The following VPS13A variants were observed in gnomAD, a reference collection of about 807,000 sequenced individuals.
The protein encoded by VPS13A is intermembrane lipid transfer protein VPS13A.
In VPS13A, 264 loss-of-function variants were observed where a neutral mutation model predicts 390.9. That is an observed-to-expected ratio of 0.68 (90% confidence interval 0.61 to 0.75). The LOEUF is 0.75. Ranked by LOEUF, VPS13A falls within the 30% of genes least tolerant of loss-of-function variation. The pLI, the probability that VPS13A is intolerant of heterozygous loss-of-function variation, is 0.00. For missense variants in VPS13A, 3,409 were observed against 3,733.9 expected, an observed-to-expected ratio of 0.91 and a Z score of 2.27; for synonymous variants, 1,231 against 1,227.1, an observed-to-expected ratio of 1.00 and a Z score of -0.07.
chr9:77,178,947 A>G (rs1254693855), intron 1 of VPS13A, among the ~76,000 whole-genome samples: 1 of 152,244 alleles, frequency 6.6e-6, no homozygotes. Flanking sequence ...TTGATTTTAA[A>G]GAATGTTACT....
intron 57 of VPS13A, among the ~76,000 whole-genome samples, chr9:77,358,832 CT>C: frequency 6.6e-6 from 1 of 152,254 alleles, no homozygotes; most frequent in Non-Finnish European, 1.5e-5. Context: ...CTACCCTTTT[CT>C]TTCCCTTTGC....
At chr9:77,391,065 A>G (rs956715490) in intron 68 of VPS13A, among the ~76,000 whole-genome samples, 10 of 152,180 alleles carry the variant, frequency 6.6e-5, no homozygotes, top group African/African-American at 2.4e-4. Context: ...AAGATCTGTC[A>G]ATACAGCTAA....
chr9:77,334,120 A>G (rs1220691475), intron 46 of VPS13A, among the ~76,000 whole-genome samples: 1 of 152,200 alleles, frequency 6.6e-6, no homozygotes. Flanking sequence ...GGAAAAGGCT[A>G]TCTAAGAGGA....
chr9:77,332,332 T>C (rs1313224258), intron 46 of VPS13A, among the ~76,000 whole-genome samples: 2 of 152,020 alleles, frequency 1.3e-5, no homozygotes, highest in African/African-American at 2.4e-5. Context: ...AATATAATTA[T>C]ATTTTGATTG....
chr9:77,245,949 A>G (rs972760087), intron 19 of VPS13A, among the ~76,000 whole-genome samples: 14 of 152,166 alleles, frequency 9.2e-5, no homozygotes, highest in African/African-American at 3.4e-4. Context: ...ATGTGCAGAG[A>G]TTACATGGCA....
At chr9:77,397,789 A>G (rs950150550) in intron 68 of VPS13A, among the ~76,000 whole-genome samples, 5 of 152,202 alleles carry the variant, frequency 3.3e-5, no homozygotes, top group Admixed American at 6.5e-5. Context: ...ATTATTACCT[A>G]TAGATTCTGA....
At chr9:77,260,569 A>G (rs1039346203) in intron 23 of VPS13A, among the ~76,000 whole-genome samples, 8 of 151,682 alleles carry the variant, frequency 5.3e-5, no homozygotes, top group Non-Finnish European at 1.0e-4. Context: ...GTTAGCCAGG[A>G]TGGTCTCGGT....
At chr9:77,331,986 A>G (rs1365683006) in intron 45 of VPS13A, 24 bp from the exon 46 acceptor site, 1 of 1,490,884 alleles carries the variant, frequency 6.7e-7, no homozygotes, top group Non-Finnish European at 9.4e-7. Context: ...ATGATACTAA[A>G]TATTATTTGT....
At chr9:77,388,959 T>G (rs1308741014) in intron 68 of VPS13A, among the ~76,000 whole-genome samples, 1 of 152,176 alleles carries the variant, frequency 6.6e-6, no homozygotes, top group Non-Finnish European at 1.5e-5. Context: ...TGATTCTCAG[T>G]TGACAACTTT....
chr9:77,205,421 TA>T lies in VPS13A; in HGVS notation c.283+20del, dbSNP rs199782752. ...GTGCCTTCTTCTAGTAAGTTAAATT[TA>T]AAAAAATTATAATTTAAGTTATTCT... On this transcript the variant is annotated intron_variant, in intron 4 of 71. Transcript: ENST00000360280. 2.6e-3 allele frequency: 3,157 copies of T among 1,211,590 alleles called. 69 individuals carry two copies. In the African/African-American group the frequency reaches 0.044, roughly 17 times the overall value. The allele number at this position is 1,211,590 out of a possible 1,614,324, so 75.1% of individuals were successfully genotyped here. A position where few individuals can be genotyped will look rare whatever the true frequency, so the allele number is the denominator to read the frequency against.
At chr9:77,314,450 G>T in intron 36 of VPS13A, 45 bp from the exon 37 acceptor site, 1 of 1,563,320 alleles carries the variant, frequency 6.4e-7, no homozygotes, top group South Asian at 1.1e-5. Context: ...ATACACTTTA[G>T]ACTTGTGTTT....
At chr9:77,373,773 C>G (rs1377486351) in intron 67 of VPS13A, among the ~76,000 whole-genome samples, 1 of 151,456 alleles carries the variant, frequency 6.6e-6, no homozygotes, top group African/African-American at 2.4e-5. Context: ...CTACAATGAA[C>G]TCAAACAAAT....
In VPS13A at chr9:77,307,969, A is replaced by G; in HGVS notation, c.3985A>G (p.Thr1329Ala). Residue 1329 changes from threonine to alanine, a missense_variant, in exon 35 of 72, where the codon ACA becomes GCA. This residue lies in a region of VPS13A where 2,717 missense variants were observed against 2,917.4 expected (regional missense o/e 0.93). Coordinates refer to ENST00000360280, the MANE Select transcript of VPS13A (RefSeq NM_033305.3). The part of the protein sequence containing the change: ...MEFILSQEDI[T>A]TIFKTLHGNI... ...GTTCATTCTTAGTCAAGAAGATATA[A>G]CAACTATTTTTAAAACATTGCATGG... 1.3e-6 allele frequency: 2 copies of G among 1,597,072 alleles called. No homozygotes were observed.
At position 77,282,094 on chromosome 9, in the gene VPS13A, A is replaced by G. The variant is rs144127593; in HGVS notation, c.2965-27A>G. The G allele has an allele frequency of 1.3e-4, 206 of 1,609,734 alleles. No homozygotes were observed. In the African/African-American group the frequency reaches 1.7e-3, roughly 13 times the overall value. ...CTGGCAAGCAAATATTTATTGACCT[A>G]TCACTAAAATCAGCTTTGTTCTTTA... On this transcript the variant is annotated intron_variant, in intron 28 of 71. Coordinates refer to ENST00000360280, the MANE Select transcript of VPS13A (RefSeq NM_033305.3).
intron 17 of VPS13A, among the ~76,000 whole-genome samples, chr9:77,228,606 T>C (rs1401335747): frequency 1.3e-5 from 2 of 152,190 alleles, no homozygotes; most frequent in Non-Finnish European, 2.9e-5. Context: ...TACAATTCAT[T>C]TAAAGTGTGT....
chr9:77,414,257 A>G (rs558522010), intron 71 of VPS13A, among the ~76,000 whole-genome samples: 1 of 152,234 alleles, frequency 6.6e-6, no homozygotes, highest in Non-Finnish European at 1.5e-5. Flanking sequence ...CCAAAGGATT[A>G]TAAATCATGC....
At chr9:77,366,980 C>A in intron 61 of VPS13A, 108 bp downstream of exon 61, 1 of 1,155,976 alleles carries the variant, frequency 8.7e-7, no homozygotes, top group Non-Finnish European at 1.2e-6. Flanking sequence ...AGATCATAGG[C>A]AAAATGAGGT....
At chr9:77,413,839 A>G (rs1410025589) in intron 71 of VPS13A, among the ~76,000 whole-genome samples, 1 of 152,156 alleles carries the variant, frequency 6.6e-6, no homozygotes, top group African/African-American at 2.4e-5. Context: ...TTTGCAATCT[A>G]CTCATCTGAC....
intron 35 of VPS13A, among the ~76,000 whole-genome samples, chr9:77,310,374 T>C (rs537121785): frequency 6.6e-6 from 1 of 152,140 alleles, no homozygotes; most frequent in African/African-American, 2.4e-5. Flanking sequence ...AGAAGAAAAA[T>C]AGCATGAATT....
Sources: gnomAD v4.1 joint callset for allele counts (sites outside exome capture counted in the v4.1 genomes callset) on GRCh38, gnomAD v4.1.1 for gene constraint, gnomAD v4.1.1 regional missense constraint, MANE v1.5 for transcripts, NCBI Gene and HGNC (gene_info 2026-07-23, HGNC 2026-07-21) for gene names.